Variants in HMGN5 observed in about 807,000 individuals in gnomAD.
HMGN5 encodes the protein high mobility group nucleosome binding domain 5.
A neutral mutation model predicts 9.5 loss-of-function variants in HMGN5; 4 were observed. The ratio of observed to expected loss-of-function variants is 0.42; its 90% CI spans 0.21 to 0.96. The LOEUF is 0.96. Ranked by LOEUF, HMGN5 falls within the 40% of genes least tolerant of loss-of-function variation. The pLI, the probability that HMGN5 is intolerant of heterozygous loss-of-function variation, is 0.30. For missense variants in HMGN5, 192 were observed against 187.5 expected (o/e 1.02, Z -0.14); for synonymous variants, 55 against 57.1 (o/e 0.96, Z 0.16).
At chrX:81,139,882 C>A (rs2075323280) in intron 1 of HMGN5, among the ~76,000 whole-genome samples, 1 of 112,180 alleles carries the variant, frequency 8.9e-6, no homozygotes, top group African/African-American at 3.2e-5. Flanking sequence ...CTCCAGCAAC[C>A]TATGTCTGCA....
chrX:81,181,786 T>A (rs2075463587), intron 1 of HMGN5, among the ~76,000 whole-genome samples: 1 of 112,386 alleles, frequency 8.9e-6, no homozygotes. Flanking sequence ...GATCTCATTC[T>A]TTTTTATGAC....
chrX:81,183,010 C>T (rs1295474855), intron 1 of HMGN5, among the ~76,000 whole-genome samples: 2 of 111,606 alleles, frequency 1.8e-5, no homozygotes, highest in Non-Finnish European at 3.8e-5. Context: ...ACAGTGAAGG[C>T]CAGTCTCAGG....
chrX:81,172,729 C>T (rs1338758358), intron 1 of HMGN5, among the ~76,000 whole-genome samples: 2 of 110,521 alleles, frequency 1.8e-5, no homozygotes, highest in East Asian at 5.7e-4. Flanking sequence ...TAAAACATAA[C>T]ATGATAAAAA....
intron 1 of HMGN5, among the ~76,000 whole-genome samples, chrX:81,131,051 A>G (rs771108189): frequency 9.0e-6 from 1 of 111,610 alleles, no homozygotes; most frequent in South Asian, 3.7e-4. Context: ...TACTAATAAT[A>G]CCATAATTTT....
At chrX:81,169,162 C>T (rs2075418683) in intron 1 of HMGN5, among the ~76,000 whole-genome samples, 1 of 111,404 alleles carries the variant, frequency 9.0e-6, no homozygotes, top group Non-Finnish European at 1.9e-5. Flanking sequence ...CTAATTCACA[C>T]TAGGAGTAAT....
Position 81,114,988 on chromosome X carries a change from T to C in HMGN5, c.510A>G (p.Ala170=). The C allele has an allele frequency of 1.7e-6, 2 of 1,155,168 alleles. No individual in the cohort carries two copies. The highest frequency in any genetic ancestry group is 2.3e-6 in the Non-Finnish European group (2 of 869,781). Residue 170 remains alanine, a synonymous_variant, in exon 7 of 7, where the codon GCA becomes GCG. Coordinates refer to ENST00000358130, the MANE Select transcript of HMGN5 (RefSeq NM_030763.3). The part of the protein sequence containing the change: ...DKNGNEKGED[A]KEKEDGKKGE... The stretch of plus-strand genomic sequence containing the variant: ...CTTTTTTTCCATCTTCTTTCTCTTT[T>C]GCATCTTCTCCTTTCTCATTTCCAT...
intron 1 of HMGN5, among the ~76,000 whole-genome samples, chrX:81,132,711 C>A (rs2075300955): frequency 9.0e-6 from 1 of 111,349 alleles, no homozygotes; most frequent in South Asian, 3.7e-4. Context: ...TGGATAAAGA[C>A]TTAAATGTAA....
intron 1 of HMGN5, among the ~76,000 whole-genome samples, chrX:81,149,901 T>A (rs1248349429): frequency 8.9e-6 from 1 of 111,780 alleles, no homozygotes; most frequent in African/African-American, 3.3e-5. Context: ...GCACCTGGAT[T>A]TATAAAGCAA....
intron 1 of HMGN5, among the ~76,000 whole-genome samples, chrX:81,198,784 A>G: frequency 8.9e-6 from 1 of 111,953 alleles, no homozygotes; most frequent in Non-Finnish European, 1.9e-5. Context: ...CTGAATGGAC[A>G]AAAACTGGAA....
At chrX:81,136,486 TAA>T (rs1402670903) in intron 1 of HMGN5, among the ~76,000 whole-genome samples, 1 of 111,668 alleles carries the variant, frequency 9.0e-6, no homozygotes, top group East Asian at 2.8e-4. Context: ...GAGACTGTGA[TAA>T]GTCACATATG....
intron 1 of HMGN5, among the ~76,000 whole-genome samples, chrX:81,200,365 A>G (rs1244485738): frequency 1.8e-5 from 2 of 112,226 alleles, no homozygotes; most frequent in Non-Finnish European, 3.8e-5. Context: ...CTGAGCATAT[A>G]CCCAAAGGAT....
At chrX:81,171,542 T>C (rs1237630197) in intron 1 of HMGN5, among the ~76,000 whole-genome samples, 1 of 111,558 alleles carries the variant, frequency 9.0e-6, no homozygotes, top group Non-Finnish European at 1.9e-5. Context: ...TTGAATCACA[T>C]GTTTATGAAT....
intron 1 of HMGN5, among the ~76,000 whole-genome samples, chrX:81,165,959 A>T (rs187129364): frequency 9.0e-6 from 1 of 111,418 alleles, no homozygotes; most frequent in Non-Finnish European, 1.9e-5. Flanking sequence ...TTAGGATCAG[A>T]ACAGGAGTTT....
chrX:81,145,017 C>T (rs943185733), intron 1 of HMGN5, among the ~76,000 whole-genome samples: 2 of 111,660 alleles, frequency 1.8e-5, no homozygotes, highest in Non-Finnish European at 3.8e-5. Flanking sequence ...GCCAAATCTA[C>T]GTTTGATTGG....
intron 1 of HMGN5, among the ~76,000 whole-genome samples, chrX:81,184,543 C>A (rs1416481148): frequency 9.3e-6 from 1 of 107,497 alleles, no homozygotes; most frequent in Non-Finnish European, 1.9e-5. Flanking sequence ...GGTGGGTTGT[C>A]TCTTCATTTT....
chrX:81,182,103 G>A (rs1442745847), intron 1 of HMGN5, among the ~76,000 whole-genome samples: 1 of 111,541 alleles, frequency 9.0e-6, no homozygotes, highest in Non-Finnish European at 1.9e-5. Flanking sequence ...ATCCTTGCCA[G>A]CATCTGTTAT....
At chrX:81,200,148 G>A (rs2075521461) in intron 1 of HMGN5, among the ~76,000 whole-genome samples, 1 of 112,633 alleles carries the variant, frequency 8.9e-6, no homozygotes, top group African/African-American at 3.2e-5. Flanking sequence ...GGTCATGAGA[G>A]AAATGCAAAT....
chrX:81,136,425 T>C lies in HMGN5; in HGVS notation c.-123-14753A>G, dbSNP rs766406020. Among the ~76,000 whole-genome samples, 8 of 111,679 alleles carry C rather than the reference T, an allele frequency of 7.2e-5. No homozygotes were observed. The East Asian group carries it at 2.2e-3, about 31-fold the overall frequency. On this transcript the variant is annotated intron_variant, in intron 1 of 6. Coordinates refer to ENST00000358130, the MANE Select transcript of HMGN5 (RefSeq NM_030763.3). ...AGTGGGAAAGGTAAAGGGACCTTAA[T>C]GTAAGTATGGTTTCCCCACTATACT...
intron 1 of HMGN5, among the ~76,000 whole-genome samples, chrX:81,138,467 G>T (rs1312486361): frequency 9.0e-6 from 1 of 111,389 alleles, no homozygotes; most frequent in East Asian, 2.8e-4. Flanking sequence ...AAAACTCTGA[G>T]CCAGTTAGCA....
Sources: allele counts gnomAD v4.1 joint callset (sites outside exome capture counted in the v4.1 genomes callset), GRCh38; gene constraint gnomAD v4.1.1; transcripts MANE v1.5; gene names NCBI Gene and HGNC (gene_info 2026-07-23, HGNC 2026-07-21).